Variants in MAPRE2 observed in about 807,000 individuals in gnomAD.
The protein encoded by MAPRE2 is microtubule-associated protein RP/EB family member 2.
MAPRE2 carries 13 observed loss-of-function variants against 43.2 expected under a neutral mutation model. The ratio of observed to expected loss-of-function variants is 0.30; its 90% confidence interval spans 0.20 to 0.48. The LOEUF is 0.48. MAPRE2 is among the 20% of genes least tolerant of loss of function. The pLI is 0.99. For missense variants in MAPRE2, 161 were observed against 400.2 expected (o/e 0.40, Z 5.10); for synonymous variants, 135 against 148.8 (o/e 0.91, Z 0.68).
chr18:35,101,917 G>A, intron 3 of MAPRE2, 29 bp from the exon 4 acceptor site: 1 of 1,519,526 alleles, frequency 6.6e-7, no homozygotes, highest in Non-Finnish European at 9.0e-7. Context: ...CGTGAGGTTT[G>A]TAACTCACAT....
At chr18:35,045,427 CAT>C (rs1456344350) in intron 1 of MAPRE2, among the ~76,000 whole-genome samples, 5 of 145,774 alleles carry the variant, frequency 3.4e-5, no homozygotes, top group Non-Finnish European at 1.5e-5. Flanking sequence ...TACAGTAGCA[CAT>C]GTTTCTGAAT....
At chr18:35,108,118 C>T (rs185109262) in intron 4 of MAPRE2, among the ~76,000 whole-genome samples, 15 of 152,194 alleles carry the variant, frequency 9.9e-5, no homozygotes, top group Admixed American at 7.9e-4. Flanking sequence ...AAGTTCCCTC[C>T]CCTCACCCAC....
chr18:35,068,962 G>A (rs1253050069), intron 1 of MAPRE2, among the ~76,000 whole-genome samples: 1 of 152,198 alleles, frequency 6.6e-6, no homozygotes, highest in Non-Finnish European at 1.5e-5. Context: ...ACCAGGCAGT[G>A]TATTGATGGA....
intron 1 of MAPRE2, among the ~76,000 whole-genome samples, chr18:34,990,200 G>A (rs762902048): frequency 3.9e-5 from 6 of 152,126 alleles, no homozygotes; most frequent in East Asian, 1.9e-4. Flanking sequence ...GTCCCCTTTC[G>A]TTGCAGTCTT....
At chr18:34,990,787 A>G (rs1488795582) in intron 1 of MAPRE2, among the ~76,000 whole-genome samples, 1 of 152,184 alleles carries the variant, frequency 6.6e-6, no homozygotes, top group Non-Finnish European at 1.5e-5. Flanking sequence ...TTGGCAGGAC[A>G]AGGCAGAAGG....
chr18:35,029,349 C>A (rs1384283173), intron 2 of MAPRE2, among the ~76,000 whole-genome samples: 1 of 152,206 alleles, frequency 6.6e-6, no homozygotes, highest in East Asian at 1.9e-4. Flanking sequence ...CATCCAGAAG[C>A]CATAGCTCTG....
chr18:35,111,562 TG>T (rs1414152639), intron 4 of MAPRE2, among the ~76,000 whole-genome samples: 8 of 152,224 alleles, frequency 5.3e-5, no homozygotes, highest in African/African-American at 1.9e-4. Context: ...AGAGGGTTGA[TG>T]CTTGTGAGTT....
chr18:35,073,731 T>A (rs1263492309), intron 2 of MAPRE2, among the ~76,000 whole-genome samples: 1 of 152,202 alleles, frequency 6.6e-6, no homozygotes, highest in African/African-American at 2.4e-5. Flanking sequence ...CAGCTTTTCT[T>A]TAATTTGTGA....
intron 2 of MAPRE2, among the ~76,000 whole-genome samples, chr18:35,008,075 C>G (rs1352982602): frequency 2.6e-5 from 4 of 152,200 alleles, no homozygotes; most frequent in African/African-American, 7.2e-5. Flanking sequence ...ATCCTATCTG[C>G]TATTAAGTGG....
Position 35,069,901 on chromosome 18 carries a change from C to T in MAPRE2, c.123-294C>T, listed in dbSNP as rs146538694. Among the ~76,000 whole-genome samples, 26 of 152,144 alleles carry T rather than the reference C, an allele frequency of 1.7e-4. 1 individual carries two copies. The East Asian group carries it at 5.0e-3, about 29-fold the overall frequency. On this transcript the variant is annotated intron_variant, in intron 1 of 6. Transcript: ENST00000300249. ...AACCTGGTAACTTTTTAATATCACA[C>T]GTAGACTTACAGTCAAAAGGGAGAC...
chr18:35,079,811 C>CT (rs1907546896), intron 2 of MAPRE2, among the ~76,000 whole-genome samples: 1 of 152,146 alleles, frequency 6.6e-6, no homozygotes, highest in Non-Finnish European at 1.5e-5. Context: ...TTTGACTAAG[C>CT]TTTTAAGAAT....
intron 4 of MAPRE2, among the ~76,000 whole-genome samples, chr18:35,110,218 C>T (rs993158504): frequency 6.6e-6 from 1 of 152,114 alleles, no homozygotes; most frequent in African/African-American, 2.4e-5. Flanking sequence ...GGCTTTTGAA[C>T]ACTTGAAATG....
chr18:35,070,479 A>G, intron 2 of MAPRE2, 157 bp downstream of exon 2: 1 of 539,106 alleles, frequency 1.9e-6, no homozygotes, highest in South Asian at 3.7e-5. Flanking sequence ...TAACTAAAGG[A>G]CGTATTGGGA....
chr18:35,017,251 T>G (rs1399744229), intron 2 of MAPRE2, among the ~76,000 whole-genome samples: 1 of 149,198 alleles, frequency 6.7e-6, no homozygotes, highest in East Asian at 1.9e-4. Flanking sequence ...GTTGTTTTTT[T>G]TTTTTTTTTT....
chr18:35,022,459 A>G (rs1366751042), intron 2 of MAPRE2, among the ~76,000 whole-genome samples: 1 of 152,182 alleles, frequency 6.6e-6, no homozygotes, highest in Admixed American at 6.5e-5. Flanking sequence ...GCTCTAGAAA[A>G]AAATATATAT....
intron 1 of MAPRE2, among the ~76,000 whole-genome samples, chr18:35,001,722 T>A (rs1226453212): frequency 6.6e-6 from 1 of 152,112 alleles, no homozygotes; most frequent in Non-Finnish European, 1.5e-5. Flanking sequence ...GTGAGTTTTT[T>A]TTTTCTTGGA....
At chr18:35,005,140 C>T (rs72950560) in intron 1 of MAPRE2, among the ~76,000 whole-genome samples, 4,864 of 152,152 alleles carry the variant, frequency 0.032, 126 homozygotes, top group Non-Finnish European at 0.043. Context: ...GGCACTGCTC[C>T]TTGGGGTTAT....
At chr18:34,985,170 A>C (rs181921098) in intron 1 of MAPRE2, among the ~76,000 whole-genome samples, 840 of 79,980 alleles carry the variant, frequency 0.011, 15 homozygotes, top group African/African-American at 0.031. Context: ...TAAATATATA[A>C]AAATAATATA....
intron 2 of MAPRE2, among the ~76,000 whole-genome samples, chr18:35,082,428 TA>T (rs1277693196): frequency 3.9e-5 from 6 of 152,196 alleles, no homozygotes; most frequent in Non-Finnish European, 8.8e-5. Flanking sequence ...TCCTGGCATT[TA>T]AAGCCTTGAG....
Sources: allele counts gnomAD v4.1 joint callset (sites outside exome capture counted in the v4.1 genomes callset), GRCh38; gene constraint gnomAD v4.1.1; transcripts MANE v1.5; gene names NCBI Gene and HGNC (gene_info 2026-07-23, HGNC 2026-07-21).